CFAP46: variants seen among roughly 807,000 people sequenced by gnomAD.
CFAP46 encodes cilia and flagella associated protein 46, also known as cilia- and flagella-associated protein 46.
A neutral mutation model predicts 325.7 loss-of-function variants in CFAP46; 245 were observed. The ratio of observed to expected loss-of-function variants is 0.75; its 90% CI spans 0.68 to 0.84. The LOEUF is 0.84. Ranked by LOEUF, CFAP46 falls within the 40% of genes least tolerant of loss-of-function variation. The pLI, the probability that CFAP46 is intolerant of heterozygous loss-of-function variation, is 0.00. For missense variants in CFAP46, 3,346 were observed against 3,543.0 expected, an observed-to-expected ratio of 0.94 and a Z score of 1.41; for synonymous variants, 1,523 against 1,495.9, an observed-to-expected ratio of 1.02 and a Z score of -0.42.
At chr10:132,925,543 C>CA (rs1849797334) in intron 10 of CFAP46, among the ~76,000 whole-genome samples, 2 of 152,280 alleles carry the variant, frequency 1.3e-5, no homozygotes, top group Non-Finnish European at 2.9e-5. Flanking sequence ...CACAGCGCCA[C>CA]AGCCACAAGC....
In CFAP46 at chr10:132,924,764, C is replaced by T. The variant is rs764587301; in HGVS notation, c.1188G>A (p.Gln396=). 6.5e-7 allele frequency: 1 copy of T among 1,536,784 alleles called. No homozygotes were observed. Residue 396 remains glutamine (Q), a synonymous_variant, in exon 11 of 58, where the codon CAG becomes CAA. Coordinates refer to ENST00000368586, the MANE Select transcript of CFAP46 (RefSeq NM_001200049.3). ...TQWNTCLPLL[Q]HNLRHHLRKP... ...TCCGCAGGTGGTGCCGCAGGTTGTG[C>T]TGCAGCAGGGGCAGGCAGGTGTTCC...
Position 132,885,009 on chromosome 10 carries a change from C to T in CFAP46, c.3627+94G>A, listed in dbSNP as rs1849100589. ...GCTGTGGCTGCTCTGCGTGCTGCCC[C>T]ACACCAGGTCCCTGCTGAGCTTCTG... is the stretch of plus-strand genomic sequence containing the variant. On this transcript the variant is annotated intron_variant, in intron 27 of 57. Coordinates refer to ENST00000368586, the MANE Select transcript of CFAP46 (RefSeq NM_001200049.3). The T allele has an allele frequency of 8.1e-6, 11 of 1,358,932 alleles. No homozygotes were observed. In the South Asian group the frequency reaches 1.6e-4, roughly 20 times the overall value. 84.2% of individuals were successfully genotyped at this position (1,358,932 alleles called of 1,614,324 possible). A position where few individuals can be genotyped will look rare whatever the true frequency, so the allele number is the denominator to read the frequency against.
Position 132,920,156 on chromosome 10 carries a change from A to G in CFAP46, c.1633T>C (p.Phe545Leu). The G allele has an allele frequency of 6.5e-7, 1 of 1,546,592 alleles. No homozygotes were observed. Among genetic ancestry groups the G allele is most frequent in the African/African-American group, 1.4e-5 (1 of 72,906 alleles). ...CACGCCTTCGCACAGAGGTAGGTGA[A>G]CCGGCCCCTGTTCTTCCCGGTGGAG... ...KVSTGKNRGR[F>L]TYLCAKAWHH... The change falls in exon 14 of 58, where the codon TTC becomes CTC. Residue 545 changes from phenylalanine (F) to leucine (L), a missense_variant. Phe to Leu is a conservative substitution (Grantham distance 22). Transcript: ENST00000368586.
In CFAP46 at chr10:132,846,916, C is replaced by A; in HGVS notation, c.6267+16G>T. 6.3e-7 allele frequency: 1 copy of A among 1,599,232 alleles called. No homozygotes were observed. The highest frequency in any genetic ancestry group is 8.5e-7 in the Non-Finnish European group (1 of 1,173,124). On this transcript the variant is annotated intron_variant, in intron 43 of 57. Coordinates refer to ENST00000368586, the MANE Select transcript of CFAP46 (RefSeq NM_001200049.3). ...CATGAAGGGCCTGGCTGGAGGTGGG[C>A]AGGGCAGAGACACACCTGAGACAGA...
chr10:132,853,411 T>G (rs1312542172), intron 39 of CFAP46, among the ~76,000 whole-genome samples: 1 of 152,246 alleles, frequency 6.6e-6, no homozygotes, highest in Non-Finnish European at 1.5e-5. Context: ...GTATTATCCT[T>G]TTTATATATT....
At chr10:132,858,991 C>G (rs1848687243) in intron 38 of CFAP46, 80 bp downstream of exon 38, 1 of 1,447,944 alleles carries the variant, frequency 6.9e-7, no homozygotes, top group African/African-American at 1.4e-5. Context: ...GAGCCAGGCC[C>G]AGAAGGCAGG....
Position 132,942,070 on chromosome 10 carries a change from GATC to G in CFAP46, c.81_83del (p.Leu27_Ile28delinsPhe). On this transcript the variant is annotated inframe_deletion, in exon 2 of 58. Transcript: ENST00000368586. ...CCGATTTCCCTAGGTTGGCCGATTTGATCAACTCGTAGGCCTTCTTCAAGGACG... is the reference window on the plus strand; with the variant it reads ...CCGATTTCCCTAGGTTGGCCGATTTGAACTCGTAGGCCTTCTTCAAGGACG... 1 of 1,551,738 alleles carries G rather than the reference GATC, an allele frequency of 6.4e-7. No homozygotes were observed. Among genetic ancestry groups the G allele is most frequent in the Non-Finnish European group, 8.7e-7 (1 of 1,147,000 alleles).
intron 31 of CFAP46, 42 bp from the exon 32 acceptor site, chr10:132,872,866 G>T (rs962664932): frequency 6.5e-7 from 1 of 1,548,606 alleles, no homozygotes; most frequent in East Asian, 2.4e-5. Flanking sequence ...ACAGGAGCGG[G>T]TGTAGACCAC....
chr10:132,887,009 G>C (rs371513533), intron 25 of CFAP46, among the ~76,000 whole-genome samples: 2 of 149,946 alleles, frequency 1.3e-5, no homozygotes, highest in Non-Finnish European at 1.5e-5. Context: ...TCTCTCTCTC[G>C]CCTCTCTCTC....
chr10:132,811,683 G>A (rs1432214585), intron 55 of CFAP46, among the ~76,000 whole-genome samples: 7 of 152,216 alleles, frequency 4.6e-5, no homozygotes, highest in African/African-American at 1.7e-4. Context: ...AGTTGGGGGA[G>A]CCCTGGCGAG....
In CFAP46 at chr10:132,838,896, C is replaced by T. The variant is rs141881578; in HGVS notation, c.6439-1982G>A. Among the ~76,000 whole-genome samples the T allele has an allele frequency of 1.4e-3, 213 of 152,372 alleles. 2 individuals carry two copies. Among genetic ancestry groups the T allele is most frequent in the African/African-American group, 4.8e-3 (198 of 41,598 alleles). ...GTCTCATCCCCACTGGCCGTGTCCT[C>T]CTTTTCCATGGGAGCCATTCTGGTT... On this transcript the variant is annotated intron_variant, in intron 44 of 57. Coordinates refer to ENST00000368586, the MANE Select transcript of CFAP46 (RefSeq NM_001200049.3).
rs1414189734 is a variant in CFAP46 at position 132,886,518 on chromosome 10, T to C, written c.3305-559A>G. ...GGAGGTGAGCCCCACCCAGCCTCCATAGGGCGCCCTGTGGGCCATCAGTGC... is the reference window on the plus strand; with the variant it reads ...GGAGGTGAGCCCCACCCAGCCTCCACAGGGCGCCCTGTGGGCCATCAGTGC... On this transcript the variant is annotated intron_variant, in intron 25 of 57. Transcript: ENST00000368586. This position sits in a 1 kb window ranked among gnomAD's most constrained non-coding sequence, Gnocchi z 5.8. 2.0e-5 allele frequency among the ~76,000 whole-genome samples: 3 copies of C among 152,108 alleles called. No homozygotes were observed. The highest frequency in any genetic ancestry group is 4.4e-5 in the Non-Finnish European group (3 of 68,006).
chr10:132,942,542 A>T lies in CFAP46; in HGVS notation c.-58T>A. ...GGGTCCGCGGTGCGTCCTGCCGCCC[A>T]CTGTCGGTTGGGTTCTCCAGCCGCG... On this transcript the variant is annotated 5_prime_UTR_variant, in exon 1 of 58. Coordinates refer to ENST00000368586, the MANE Select transcript of CFAP46 (RefSeq NM_001200049.3). 1 of 1,236,334 alleles carries T rather than the reference A, an allele frequency of 8.1e-7. No individual in the cohort carries two copies. The highest frequency in any genetic ancestry group is 1.0e-6 in the Non-Finnish European group (1 of 985,932). The allele number at this position is 1,236,334 out of a possible 1,614,324, so 76.6% of individuals were successfully genotyped here.
rs1490547167 is a variant in CFAP46 at position 132,924,889 on chromosome 10, G to A, written c.1066-3C>T. The A allele has an allele frequency of 7.3e-7, 1 of 1,376,850 alleles. No individual in the cohort carries two copies. The highest frequency in any genetic ancestry group is 1.5e-5 in the African/African-American group (1 of 65,570). 85.3% of individuals were successfully genotyped at this position (1,376,850 alleles called of 1,614,324 possible). On this transcript the variant is annotated splice_polypyrimidine_tract_variant and splice_region_variant and intron_variant, in intron 10 of 57. Coordinates refer to ENST00000368586, the MANE Select transcript of CFAP46 (RefSeq NM_001200049.3). Reference sequence around the variant, plus strand: ...CTCTGTATGATATCCAGCTGGGCCTGCGGAGAAGACGTGGGGGATTCTAGG... The same window carrying A: ...CTCTGTATGATATCCAGCTGGGCCTACGGAGAAGACGTGGGGGATTCTAGG...
rs201528055 is a variant in CFAP46, at chr10:132,812,889, T to C, written c.7397A>G (p.Gln2466Arg). ...GCAGCTGCCCAGGGCCTGCTCCCAC[T>C]GGGCCTGGCTGCAGAGAGAGGAGAG... Reference protein sequence around the residue: ...LGSKHFPSQAQWEQALGSCSG... With the variant: ...LGSKHFPSQARWEQALGSCSG... Residue 2466 changes from glutamine to arginine, a missense_variant, in exon 55 of 58, where the codon CAG (glutamine) becomes CGG (arginine). Gln to Arg is a conservative substitution (Grantham distance 43). Coordinates refer to ENST00000368586, the MANE Select transcript of CFAP46 (RefSeq NM_001200049.3). The C allele has an allele frequency of 5.2e-5, 84 of 1,607,396 alleles. No individual in the cohort carries two copies. The African/African-American group carries it at 1.1e-3, about 20-fold the overall frequency.
intron 22 of CFAP46, 191 bp downstream of exon 22, chr10:132,908,277 C>T: frequency 7.7e-6 from 5 of 651,172 alleles, no homozygotes; most frequent in Non-Finnish European, 1.3e-5. Context: ...GCCCGCGCTC[C>T]CTGCCCGTTT....
At chr10:132,894,099 GC>G (rs1204445064) in intron 24 of CFAP46, among the ~76,000 whole-genome samples, 1 of 152,262 alleles carries the variant, frequency 6.6e-6, no homozygotes, top group Non-Finnish European at 1.5e-5. Context: ...GGTTGCTGCA[GC>G]CCCCTGTGGA....
In CFAP46 at chr10:132,939,752, G is replaced by C. The variant is rs569732811; in HGVS notation, c.372-999C>G. Among the ~76,000 whole-genome samples the C allele has an allele frequency of 4.6e-5, 7 of 152,144 alleles. No individual in the cohort carries two copies. The South Asian group carries it at 1.3e-3, about 27-fold the overall frequency. On this transcript the variant is annotated intron_variant, in intron 4 of 57. Coordinates refer to ENST00000368586, the MANE Select transcript of CFAP46 (RefSeq NM_001200049.3). This position sits in a 1 kb window ranked among gnomAD's most constrained non-coding sequence, Gnocchi z 4.6. The stretch of plus-strand genomic sequence containing the variant: ...CTCCAGCGGCCTGCTGCGTCTCCCT[G>C]AGTGCTGCGTCTCCCTGAGTGCTGC...
At chr10:132,842,689 AG>A (rs1246907058) in intron 44 of CFAP46, among the ~76,000 whole-genome samples, 2 of 152,214 alleles carry the variant, frequency 1.3e-5, no homozygotes, top group African/African-American at 4.8e-5. Flanking sequence ...TACAAAGAAA[AG>A]GAAATTATTT....
Sources: gnomAD v4.1 joint callset for allele counts (sites outside exome capture counted in the v4.1 genomes callset) on GRCh38, gnomAD v4.1.1 for gene constraint, Gnocchi (gnomAD v3.1) non-coding constraint, MANE v1.5 for transcripts, NCBI Gene and HGNC (gene_info 2026-07-23, HGNC 2026-07-21) for gene names.